Variants in DYNC1H1 observed in about 807,000 individuals in gnomAD.
DYNC1H1 encodes the protein cytoplasmic dynein 1 heavy chain 1.
Under a neutral mutation model 527.1 loss-of-function variants are expected in DYNC1H1, and 51 were observed. That is an observed-to-expected ratio of 0.10 (90% CI 0.08 to 0.12). The LOEUF (loss-of-function observed/expected upper bound fraction) is 0.12, where lower values mean the gene tolerates loss of function less well. Among genes scored for constraint, DYNC1H1 ranks in the 10% least tolerant of loss-of-function variants. The pLI, the probability that DYNC1H1 is intolerant of heterozygous loss-of-function variation, is 1.00. For synonymous variants in DYNC1H1, 2,189 were observed against 2,278.8 expected (o/e 0.96, Z 1.12); for missense variants, 2,771 against 5,971.8 (o/e 0.46, Z 17.66).
At chr14:101,971,241 T>G (rs2047735803) in intron 1 of DYNC1H1, among the ~76,000 whole-genome samples, 1 of 151,572 alleles carries the variant, frequency 6.6e-6, no homozygotes, top group Non-Finnish European at 1.5e-5. Flanking sequence ...GCTCTGCTAA[T>G]TTTTGTATTT....
chr14:102,028,456 A>G (rs908428240), intron 48 of DYNC1H1: 1 of 377,188 alleles, frequency 2.7e-6, no homozygotes, highest in Non-Finnish European at 5.1e-6. Context: ...CAGAGGTTAT[A>G]TTGAGCTGAG....
At chr14:102,050,289 T>A in intron 77 of DYNC1H1, 91 bp downstream of exon 77, 1 of 1,611,856 alleles carries the variant, frequency 6.2e-7, no homozygotes, top group Non-Finnish European at 8.5e-7. Flanking sequence ...TGGGTTCCAC[T>A]TGGAACGGGA....
intron 1 of DYNC1H1, among the ~76,000 whole-genome samples, chr14:101,972,422 C>T (rs1240980531): frequency 6.6e-6 from 1 of 152,142 alleles, no homozygotes; most frequent in African/African-American, 2.4e-5. Context: ...AAGTTATTAT[C>T]AAGAGAAGTT....
rs972359991 is a variant in DYNC1H1, at chr14:102,018,348, G to A, written c.8178-103G>A. 1.8e-5 allele frequency: 27 copies of A among 1,512,624 alleles called. No individual in the cohort carries two copies. The Admixed American group carries it at 2.1e-4, about 12-fold the overall frequency. The allele number at this position is 1,512,624 out of a possible 1,614,324, so 93.7% of individuals were successfully genotyped here. A position where few individuals can be genotyped will look rare whatever the true frequency, so the allele number is the denominator to read the frequency against. Reference sequence around the variant, plus strand: ...AGTCTGCATAGCTGGGTTAGGAAGCGACCTCCAGACAGGGCCCTGGACAGG... The same window carrying A: ...AGTCTGCATAGCTGGGTTAGGAAGCAACCTCCAGACAGGGCCCTGGACAGG... On this transcript the variant is annotated intron_variant, in intron 40 of 77. Coordinates refer to ENST00000360184, the MANE Select transcript of DYNC1H1 (RefSeq NM_001376.5). This position sits in a 1 kb window ranked among gnomAD's most constrained non-coding sequence, Gnocchi z 5.2.
Position 102,012,543 on chromosome 14 carries a change from G to T in DYNC1H1, c.7014+73G>T. On this transcript the variant is annotated intron_variant, in intron 34 of 77. Transcript: ENST00000360184. This position sits in a 1 kb window ranked among gnomAD's most constrained non-coding sequence, Gnocchi z 4.9. ...ACTAAACTTCGTGTGCTAGCTAAGTGCAGCTCTGGAGTCATGGACCCAGAT... is the reference window on the plus strand; with the variant it reads ...ACTAAACTTCGTGTGCTAGCTAAGTTCAGCTCTGGAGTCATGGACCCAGAT... 1.9e-6 allele frequency: 3 copies of T among 1,599,476 alleles called. No individual in the cohort carries two copies. Among genetic ancestry groups the T allele is most frequent in the Non-Finnish European group, 2.6e-6 (3 of 1,168,168 alleles).
Position 101,965,077 on chromosome 14 carries a change from G to A in DYNC1H1, c.256+130G>A, listed in dbSNP as rs904136017. On this transcript the variant is annotated intron_variant, in intron 1 of 77. Coordinates refer to ENST00000360184, the MANE Select transcript of DYNC1H1 (RefSeq NM_001376.5). The surrounding 1 kb of genome is among the most constrained non-coding windows in gnomAD (Gnocchi z 4.1). ...GCAGCTGCAGATGACCCCTGGATGG[G>A]CAGAGCCCGGCGGCCGCAGACGTCC... 13 of 998,002 alleles carry A rather than the reference G, an allele frequency of 1.3e-5. No individual in the cohort carries two copies. Among genetic ancestry groups the A allele is most frequent in the Admixed American group, 3.5e-5 (1 of 28,362 alleles). The allele number at this position is 998,002 out of a possible 1,614,324, so 61.8% of individuals were successfully genotyped here.
rs34341993 is a variant in DYNC1H1, at chr14:102,052,952, T to C, written c.*2389T>C. 0.062 allele frequency: 9,462 copies of C among 152,196 alleles called. 340 individuals carry two copies. The highest frequency in any genetic ancestry group is 0.12 in the South Asian group (590 of 4,826). The allele number at this position is 152,196 out of a possible 1,614,324, so 9.4% of individuals were successfully genotyped here. On this transcript the variant is annotated 3_prime_UTR_variant, in exon 78 of 78. Transcript: ENST00000360184. ...CAGAGAACAGTCGTTGCAGCTCCAG[T>C]TGGAATGACTGGGGGTGTCTTCCGA... is the stretch of plus-strand genomic sequence containing the variant.
intron 1 of DYNC1H1, among the ~76,000 whole-genome samples, chr14:101,968,310 A>G (rs565017924): frequency 7.0e-6 from 1 of 143,822 alleles, no homozygotes; most frequent in Non-Finnish European, 1.5e-5. Context: ...GTTTTGTTTG[A>G]GACAGGGTCT....
At position 102,012,225 on chromosome 14, in the gene DYNC1H1, A is replaced by G; in HGVS notation, c.6858-89A>G. ...TTCAACCAAAGTCTGAGCAAATTAA[A>G]GGTCATTTCAGAAACCATCATCGGT... On this transcript the variant is annotated intron_variant, in intron 33 of 77. Transcript: ENST00000360184. This position sits in a 1 kb window ranked among gnomAD's most constrained non-coding sequence, Gnocchi z 4.9. 5 of 1,612,444 alleles carry G rather than the reference A, an allele frequency of 3.1e-6. No homozygotes were observed. Among genetic ancestry groups the G allele is most frequent in the Non-Finnish European group, 4.2e-6 (5 of 1,178,706 alleles).
chr14:102,051,185 G>T lies in DYNC1H1; in HGVS notation c.*622G>T. On this transcript the variant is annotated 3_prime_UTR_variant, in exon 78 of 78. Coordinates refer to ENST00000360184, the MANE Select transcript of DYNC1H1 (RefSeq NM_001376.5). ...GTGGGAGGATCACCCAAGCCCAAGAGGTCGAGGCTGCAGTGAGCTGTGATC... is the reference window on the plus strand; with the variant it reads ...GTGGGAGGATCACCCAAGCCCAAGATGTCGAGGCTGCAGTGAGCTGTGATC... 5.8e-6 allele frequency: 1 copy of T among 172,750 alleles called. No individual in the cohort carries two copies. Among genetic ancestry groups the T allele is most frequent in the Non-Finnish European group, 1.2e-5 (1 of 80,554 alleles). 10.7% of individuals were successfully genotyped at this position (172,750 alleles called of 1,614,324 possible).
chr14:102,001,743 C>T lies in DYNC1H1; in HGVS notation c.4542+62C>T, dbSNP rs1195978398. ...GGTCTCCCACGCTTTCACTGTAATG[C>T]CTTTTCACTGACAGTTACTAGGTAC... On this transcript the variant is annotated intron_variant, in intron 21 of 77. Coordinates refer to ENST00000360184, the MANE Select transcript of DYNC1H1 (RefSeq NM_001376.5). The surrounding 1 kb of genome is among the most constrained non-coding windows in gnomAD (Gnocchi z 5.0). The T allele has an allele frequency of 8.7e-6, 14 of 1,604,542 alleles. No individual in the cohort carries two copies. The Admixed American group carries it at 2.0e-4, about 23-fold the overall frequency.
At chr14:102,047,117 G>A (rs553444965) in intron 72 of DYNC1H1, among the ~76,000 whole-genome samples, 2 of 143,120 alleles carry the variant, frequency 1.4e-5, no homozygotes, top group Non-Finnish European at 3.1e-5. Flanking sequence ...GACTGTGGGC[G>A]TGAGCCACTG....
rs201671138 is a variant in DYNC1H1 at position 102,039,578 on chromosome 14, G to C, written c.11595+32G>C. The C allele has an allele frequency of 1.7e-4, 275 of 1,614,200 alleles. No individual in the cohort carries two copies. The African/African-American group carries it at 3.2e-3, about 19-fold the overall frequency. On this transcript the variant is annotated intron_variant, in intron 61 of 77. Transcript: ENST00000360184. This position sits in a 1 kb window ranked among gnomAD's most constrained non-coding sequence, Gnocchi z 7.0. Reference sequence around the variant, plus strand: ...TGAGGTCCTCAGCCGCTCCCTGGCGGGGGGGAAGCAGGGTGCTGCTTCTCT... The same window carrying C: ...TGAGGTCCTCAGCCGCTCCCTGGCGCGGGGGAAGCAGGGTGCTGCTTCTCT...
rs185157142 is a variant in DYNC1H1, at chr14:102,021,444, G to A, written c.8508-1307G>A. ...TTGTTTAAATTCAAATGTCGCAACA[G>A]CAGTTGTGCTTACAAATTCAGATTG... On this transcript the variant is annotated intron_variant, in intron 42 of 77. Transcript: ENST00000360184. Among the ~76,000 whole-genome samples the A allele has an allele frequency of 3.9e-3, 593 of 152,168 alleles. 1 individual carries two copies. The highest frequency in any genetic ancestry group is 5.6e-3 in the Non-Finnish European group (378 of 68,008).
In DYNC1H1 at chr14:102,033,240, A is replaced by C. The variant is rs1420437642; in HGVS notation, c.10198-29A>C. ...AGGTGACCTCTTTTCCTGTCACTTA[A>C]ATAACAGTTATCAATTGGTTCTTCC... On this transcript the variant is annotated intron_variant, in intron 53 of 77. Coordinates refer to ENST00000360184, the MANE Select transcript of DYNC1H1 (RefSeq NM_001376.5). This position sits in a 1 kb window ranked among gnomAD's most constrained non-coding sequence, Gnocchi z 5.6. The C allele has an allele frequency of 1.2e-6, 2 of 1,614,164 alleles. No homozygotes were observed. Among genetic ancestry groups the C allele is most frequent in the Admixed American group, 1.7e-5 (1 of 60,016 alleles).
Position 102,040,218 on chromosome 14 carries a change from C to A in DYNC1H1, c.11691-18C>A. 1 of 1,614,056 alleles carries A rather than the reference C, an allele frequency of 6.2e-7. No homozygotes were observed. Among genetic ancestry groups the A allele is most frequent in the South Asian group, 1.1e-5 (1 of 91,050 alleles). On this transcript the variant is annotated intron_variant, in intron 62 of 77. Transcript: ENST00000360184. The stretch of plus-strand genomic sequence containing the variant: ...GTGAACGTGAGAGACCCTAGCTAAC[C>A]TGTTGCACCCTTCGCAGGGAGCCCA...
intron 42 of DYNC1H1, among the ~76,000 whole-genome samples, chr14:102,021,003 T>C (rs1285706228): frequency 6.6e-6 from 1 of 152,154 alleles, no homozygotes; most frequent in Non-Finnish European, 1.5e-5. Context: ...TGTTTTTATT[T>C]CTTATTGGAG....
Position 101,991,635 on chromosome 14 carries a change from G to A in DYNC1H1, c.2977G>A (p.Val993Ile), listed in dbSNP as rs1332902634. ...GGAAATGTTTGCCTGGAAGATGGTT[G>A]TACTGTCTCTCCCCAGGATCCAGAG... ...YQEMFAWKMV[V>I]LSLPRIQSQR... Residue 993 changes from valine (V) to isoleucine (I), a missense_variant, in exon 11 of 78, where the codon GTA becomes ATA. Physicochemically the swap from Val to Ile is conservative, Grantham distance 29. Around this residue, in one of 32 missense-constraint regions of DYNC1H1, gnomAD observed 179 missense variants for 349.4 expected, o/e 0.51. Coordinates refer to ENST00000360184, the MANE Select transcript of DYNC1H1 (RefSeq NM_001376.5). 2.9e-5 allele frequency: 47 copies of A among 1,614,104 alleles called. No homozygotes were observed. In the Admixed American group the frequency reaches 7.8e-4, roughly 27 times the overall value.
At position 101,979,714 on chromosome 14, in the gene DYNC1H1, T is replaced by C; in HGVS notation, c.519-5T>C. The C allele has an allele frequency of 6.2e-7, 1 of 1,613,952 alleles. No individual in the cohort carries two copies. Among genetic ancestry groups the C allele is most frequent in the Non-Finnish European group, 8.5e-7 (1 of 1,180,022 alleles). On this transcript the variant is annotated splice_region_variant and splice_polypyrimidine_tract_variant and intron_variant, in intron 3 of 77. Transcript: ENST00000360184. The surrounding 1 kb of genome is among the most constrained non-coding windows in gnomAD (Gnocchi z 4.6). ...TAAATGTTGAGGTATGAAATCTGTTTTTAGGGATGGTGATAAAATGGCTCC... is the reference window on the plus strand; with the variant it reads ...TAAATGTTGAGGTATGAAATCTGTTCTTAGGGATGGTGATAAAATGGCTCC...
Sources: gnomAD v4.1 joint callset for allele counts (sites outside exome capture counted in the v4.1 genomes callset) on GRCh38, gnomAD v4.1.1 for gene constraint, gnomAD v4.1.1 regional missense constraint, Gnocchi (gnomAD v3.1) non-coding constraint, MANE v1.5 for transcripts, NCBI Gene and HGNC (gene_info 2026-07-23, HGNC 2026-07-21) for gene names.